CNTNAP4: variants seen among roughly 807,000 people sequenced by gnomAD.
CNTNAP4 encodes contactin-associated protein-like 4.
Under a neutral mutation model 148.4 loss-of-function variants are expected in CNTNAP4, and 98 were observed. The ratio of observed to expected loss-of-function variants is 0.66; its 90% CI spans 0.56 to 0.78. CNTNAP4 has a LOEUF of 0.78. Among genes scored for constraint, CNTNAP4 ranks in the 30% least tolerant of loss-of-function variants. The pLI is 0.00. For missense variants in CNTNAP4, 1,935 were observed against 1,565.6 expected, an observed-to-expected ratio of 1.24 and a Z score of -3.98; for synonymous variants, 730 against 565.1, an observed-to-expected ratio of 1.29 and a Z score of -4.14.
chr16:76,534,047 G>T (rs1041282491), intron 17 of CNTNAP4, among the ~76,000 whole-genome samples: 1 of 152,142 alleles, frequency 6.6e-6, no homozygotes, highest in Admixed American at 6.6e-5. Context: ...TTCATTATTT[G>T]CAAAGAGATA....
In CNTNAP4 at chr16:76,397,938, T is replaced by TTATATATATATATATA. The variant is rs1404929461; in HGVS notation, c.391-29508_391-29507insTATATATATATATATA. The stretch of plus-strand genomic sequence containing the variant: ...TCTCTAGAGGGACAGAACTAATAGA[T>TTATATATATATATATA]TATATACATATATATATATATATAT... On this transcript the variant is annotated intron_variant, in intron 3 of 23. Coordinates refer to ENST00000611870, the MANE Select transcript of CNTNAP4 (RefSeq NM_033401.5). Among the ~76,000 whole-genome samples, 2 of 62,282 alleles carry TTATATATATATATATA rather than the reference T, an allele frequency of 3.2e-5. 1 individual carries two copies. The highest frequency in any genetic ancestry group is 1.0e-4 in the African/African-American group (2 of 19,146). The allele number at this position is 62,282 out of a possible 152,430, so 40.9% of individuals were successfully genotyped here. A position where few individuals can be genotyped will look rare whatever the true frequency, so the allele number is the denominator to read the frequency against.
At chr16:76,292,415 CT>C (rs1341042593) in intron 1 of CNTNAP4, among the ~76,000 whole-genome samples, 3 of 151,722 alleles carry the variant, frequency 2.0e-5, no homozygotes, top group Non-Finnish European at 4.4e-5. Flanking sequence ...CCAGGAAACC[CT>C]TTCACTCATC....
chr16:76,489,495 A>G (rs1379848122), intron 12 of CNTNAP4, among the ~76,000 whole-genome samples, 191 bp from the exon 13 acceptor site: 1 of 152,246 alleles, frequency 6.6e-6, no homozygotes, highest in Non-Finnish European at 1.5e-5. Flanking sequence ...TATATATTTT[A>G]GGAAAAATAA....
At chr16:76,476,857 T>C (rs973237313) in intron 11 of CNTNAP4, among the ~76,000 whole-genome samples, 1 of 152,178 alleles carries the variant, frequency 6.6e-6, no homozygotes, top group Non-Finnish European at 1.5e-5. Context: ...ACCTTCAGTC[T>C]ATTGCGCTAG....
At chr16:76,534,203 AAATG>A (rs2084115566) in intron 17 of CNTNAP4, among the ~76,000 whole-genome samples, 1 of 152,216 alleles carries the variant, frequency 6.6e-6, no homozygotes, top group South Asian at 2.1e-4. Flanking sequence ...GTGGTTTAAC[AAATG>A]AATGGATGGA....
intron 17 of CNTNAP4, among the ~76,000 whole-genome samples, chr16:76,529,688 C>T (rs2083888546): frequency 6.6e-6 from 1 of 152,188 alleles, no homozygotes; most frequent in East Asian, 1.9e-4. Context: ...GGACCCCTGA[C>T]ATAGTCAGAA....
chr16:76,507,360 CCTA>C (rs2082870305), intron 15 of CNTNAP4, among the ~76,000 whole-genome samples: 1 of 97,674 alleles, frequency 1.0e-5, no homozygotes, highest in Admixed American at 1.0e-4. Flanking sequence ...ATCCCCACCT[CCTA>C]CTGGCCTCCC....
chr16:76,411,118 G>T (rs2078777268), intron 3 of CNTNAP4, among the ~76,000 whole-genome samples: 3 of 151,284 alleles, frequency 2.0e-5, no homozygotes, highest in African/African-American at 4.8e-5. Flanking sequence ...CATCAGTTCT[G>T]AACTCTATGA....
chr16:76,322,301 T>C (rs891401652), intron 2 of CNTNAP4, among the ~76,000 whole-genome samples: 2 of 152,166 alleles, frequency 1.3e-5, no homozygotes, highest in African/African-American at 4.8e-5. Flanking sequence ...GTACAGCTCT[T>C]GATATTGAGA....
intron 3 of CNTNAP4, among the ~76,000 whole-genome samples, chr16:76,418,354 TG>T (rs2079059831): frequency 1.4e-5 from 1 of 72,176 alleles, no homozygotes; most frequent in Non-Finnish European, 4.1e-5. Flanking sequence ...TTTTTTTCTT[TG>T]TCTATTACAG....
chr16:76,430,028 C>T (rs998237264), intron 4 of CNTNAP4, among the ~76,000 whole-genome samples: 1 of 151,940 alleles, frequency 6.6e-6, no homozygotes, highest in Non-Finnish European at 1.5e-5. Context: ...CAGAAAATAA[C>T]CAAAGAATGG....
At chr16:76,323,045 C>T (rs968904273) in intron 2 of CNTNAP4, among the ~76,000 whole-genome samples, 24 of 151,996 alleles carry the variant, frequency 1.6e-4, no homozygotes, top group African/African-American at 5.8e-4. Flanking sequence ...TGGGGTTTCA[C>T]CATGTTGGCA....
chr16:76,379,700 A>G (rs767935508), intron 3 of CNTNAP4, among the ~76,000 whole-genome samples: 10 of 152,198 alleles, frequency 6.6e-5, no homozygotes, highest in South Asian at 2.1e-4. Flanking sequence ...GTGACTTTCT[A>G]TATTCTGCTT....
chr16:76,365,260 C>T (rs2013970747), intron 3 of CNTNAP4, among the ~76,000 whole-genome samples: 1 of 152,152 alleles, frequency 6.6e-6, no homozygotes, highest in African/African-American at 2.4e-5. Flanking sequence ...CAGTACCATG[C>T]TGTTTTTGTT....
chr16:76,366,269 C>A (rs189767847), intron 3 of CNTNAP4, among the ~76,000 whole-genome samples: 24 of 152,182 alleles, frequency 1.6e-4, no homozygotes, highest in African/African-American at 5.1e-4. Flanking sequence ...TTTTTCTGCT[C>A]CTCTCTGTCT....
In CNTNAP4 at chr16:76,422,245, A is replaced by G. The variant is rs554358420; in HGVS notation, c.391-5207A>G. Among the ~76,000 whole-genome samples the G allele has an allele frequency of 5.9e-5, 9 of 152,304 alleles. No homozygotes were observed. In the East Asian group the frequency reaches 1.5e-3, roughly 26 times the overall value. On this transcript the variant is annotated intron_variant, in intron 3 of 23. Transcript: ENST00000611870. ...TTTTGGTTTTTATCATGTAAGACATATAAAGTTCATTTTACTTCTAGATAT... is the reference window on the plus strand; with the variant it reads ...TTTTGGTTTTTATCATGTAAGACATGTAAAGTTCATTTTACTTCTAGATAT...
intron 4 of CNTNAP4, among the ~76,000 whole-genome samples, chr16:76,435,821 C>G (rs1436830033): frequency 5.3e-5 from 8 of 152,080 alleles, no homozygotes; most frequent in Admixed American, 5.2e-4. Flanking sequence ...TTTAAAACTC[C>G]CTAAGCTGCA....
In CNTNAP4 at chr16:76,448,883, A is replaced by G; in HGVS notation, c.859A>G (p.Thr287Ala). 1 of 1,613,794 alleles carries G rather than the reference A, an allele frequency of 6.2e-7. No individual in the cohort carries two copies. The highest frequency in any genetic ancestry group is 8.5e-7 in the Non-Finnish European group (1 of 1,179,838). ...GCGTTTGGGCAAACAAGTCAACTTC[A>G]CAGTGGACGAACACAGGCATCATTT... ...IQRLGKQVNF[T>A]VDEHRHHFHA... Residue 287 changes from threonine (T) to alanine (A), a missense_variant, in exon 6 of 24, where the codon ACA (threonine) becomes GCA (alanine). By Grantham distance (58) the Thr-to-Ala change is moderately conservative (BLOSUM62 0). Transcript: ENST00000611870.
chr16:76,424,140 T>C (rs1038905959), intron 3 of CNTNAP4, among the ~76,000 whole-genome samples: 15 of 152,164 alleles, frequency 9.9e-5, no homozygotes, highest in African/African-American at 2.9e-4. Flanking sequence ...AGCTCATAAA[T>C]TGATCAAGTG....
Sources: gnomAD v4.1 joint callset for allele counts (sites outside exome capture counted in the v4.1 genomes callset) on GRCh38, gnomAD v4.1.1 for gene constraint, MANE v1.5 for transcripts, NCBI Gene and HGNC (gene_info 2026-07-23, HGNC 2026-07-21) for gene names.